Variants in DNAH11 observed in about 807,000 individuals in gnomAD.
DNAH11 encodes dynein axonemal heavy chain 11.
A neutral mutation model predicts 526.0 loss-of-function variants in DNAH11; 442 were observed. That is an observed-to-expected ratio of 0.84 (90% confidence interval 0.78 to 0.91). The LOEUF (loss-of-function observed/expected upper bound fraction) is 0.91. Ranked by LOEUF, DNAH11 falls within the 40% of genes least tolerant of loss-of-function variation. The pLI is 0.00. For synonymous variants in DNAH11, 2,461 were observed against 1,935.9 expected (o/e 1.27, Z -7.12); for missense variants, 6,989 against 5,448.7 (o/e 1.28, Z -8.90).
intron 44 of DNAH11, among the ~76,000 whole-genome samples, chr7:21,722,079 G>A (rs1332680612): frequency 6.6e-6 from 1 of 152,164 alleles, no homozygotes; most frequent in East Asian, 1.9e-4. Flanking sequence ...TTACCAAAGT[G>A]CAAAGTGGGA....
rs745855957 is a variant in DNAH11, at chr7:21,864,607, C to G, written c.11446C>G (p.His3816Asp). The change falls in exon 70 of 82, where the codon CAT becomes GAT. Residue 3816 changes from histidine (H) to aspartate (D), a missense_variant. His to Asp is a moderately conservative substitution (Grantham distance 81). Coordinates refer to ENST00000409508, the MANE Select transcript of DNAH11 (RefSeq NM_001277115.2). ...FLLRFTVEHT[H>D]LSPVDFLTSQ... ...GCTTCGATTCACAGTTGAACACACTCATCTGAGTCCCGTTGACTTCCTAAC... is the reference window on the plus strand; with the variant it reads ...GCTTCGATTCACAGTTGAACACACTGATCTGAGTCCCGTTGACTTCCTAAC... 3 of 1,609,968 alleles carry G rather than the reference C, an allele frequency of 1.9e-6. No individual in the cohort carries two copies. The highest frequency in any genetic ancestry group is 2.5e-6 in the Non-Finnish European group (3 of 1,178,002).
chr7:21,548,116 C>T lies in DNAH11; in HGVS notation c.495+2967C>T, dbSNP rs1038817525. 3.6e-4 allele frequency among the ~76,000 whole-genome samples: 47 copies of T among 129,832 alleles called. 3 individuals carry two copies. Among genetic ancestry groups the T allele is most frequent in the African/African-American group, 1.4e-3 (46 of 33,706 alleles). The allele number at this position is 129,832 out of a possible 152,430, so 85.2% of individuals were successfully genotyped here. The stretch of plus-strand genomic sequence containing the variant: ...CAACCCATTAATGGGTTATTAATTT[C>T]AGCATTTTTTGCTAGTTTGTTGGCT... On this transcript the variant is annotated intron_variant, in intron 2 of 81. Coordinates refer to ENST00000409508, the MANE Select transcript of DNAH11 (RefSeq NM_001277115.2).
rs370017658 is a variant in DNAH11, at chr7:21,675,334, C to G, written c.5329-6212C>G. On this transcript the variant is annotated intron_variant, in intron 30 of 81. Coordinates refer to ENST00000409508, the MANE Select transcript of DNAH11 (RefSeq NM_001277115.2). Reference sequence around the variant, plus strand: ...ACAGAGCCACCCGATCCATTCAGGGCCTTTACACAGGCTGCTTCCTGTGGC... The same window carrying G: ...ACAGAGCCACCCGATCCATTCAGGGGCTTTACACAGGCTGCTTCCTGTGGC... Among the ~76,000 whole-genome samples the G allele has an allele frequency of 2.1e-4, 32 of 152,306 alleles. No individual in the cohort carries two copies. In the East Asian group the frequency reaches 3.9e-3, roughly 18 times the overall value.
Position 21,786,537 on chromosome 7 carries a change from A to G in DNAH11, c.9598-87A>G. ...GTTTGATAAGGAGAAGTGGGAGTCC[A>G]CTAAAGCCTTGCTTGGCAACTTACA... On this transcript the variant is annotated intron_variant, in intron 58 of 81. Coordinates refer to ENST00000409508, the MANE Select transcript of DNAH11 (RefSeq NM_001277115.2). 2.7e-6 allele frequency: 4 copies of G among 1,481,902 alleles called. No individual in the cohort carries two copies. The South Asian group carries it at 5.9e-5, about 22-fold the overall frequency. 91.8% of individuals were successfully genotyped at this position (1,481,902 alleles called of 1,614,324 possible). A position where few individuals can be genotyped will look rare whatever the true frequency, so the allele number is the denominator to read the frequency against.
rs775523828 is a variant in DNAH11, at chr7:21,818,189, A to G, written c.10569-28A>G. ...AACATTTTGTGCCAATTTACATTTTATTATCTCAAATCCCACTGAATTTTA... is the reference window on the plus strand; with the variant it reads ...AACATTTTGTGCCAATTTACATTTTGTTATCTCAAATCCCACTGAATTTTA... On this transcript the variant is annotated intron_variant, in intron 64 of 81. Coordinates refer to ENST00000409508, the MANE Select transcript of DNAH11 (RefSeq NM_001277115.2). 6.3e-6 allele frequency: 10 copies of G among 1,593,620 alleles called. No homozygotes were observed. The East Asian group carries it at 1.8e-4, about 29-fold the overall frequency.
At position 21,869,130 on chromosome 7, in the gene DNAH11, C is replaced by T. The variant is rs1259824658; in HGVS notation, c.11967+139C>T. 6 of 1,248,520 alleles carry T rather than the reference C, an allele frequency of 4.8e-6. No homozygotes were observed. The African/African-American group carries it at 7.7e-5, about 16-fold the overall frequency. The allele number at this position is 1,248,520 out of a possible 1,614,324, so 77.3% of individuals were successfully genotyped here. A position where few individuals can be genotyped will look rare whatever the true frequency, so the allele number is the denominator to read the frequency against. ...GAGTGCAAGCAGTACTGTCAGTGTT[C>T]ATGATGCCTGCAAAGATGGTGAGGG... On this transcript the variant is annotated intron_variant, in intron 73 of 81. Coordinates refer to ENST00000409508, the MANE Select transcript of DNAH11 (RefSeq NM_001277115.2).
At chr7:21,751,513 G>A (rs1183941982) in intron 54 of DNAH11, among the ~76,000 whole-genome samples, 1 of 152,180 alleles carries the variant, frequency 6.6e-6, no homozygotes, top group African/African-American at 2.4e-5. Context: ...TAAGAATGCT[G>A]CTAGGGAAAA....
intron 79 of DNAH11, among the ~76,000 whole-genome samples, chr7:21,897,357 A>AT (rs1017667344): frequency 1.4e-5 from 2 of 146,044 alleles, no homozygotes; most frequent in Admixed American, 6.7e-5. Context: ...ATTAAAATAT[A>AT]ATAACACCCT....
At chr7:21,843,375 A>G (rs1583762548) in intron 66 of DNAH11, among the ~76,000 whole-genome samples, 1 of 152,268 alleles carries the variant, frequency 6.6e-6, no homozygotes, top group East Asian at 1.9e-4. Flanking sequence ...ATACTTCCAT[A>G]AGGACTAGTG....
intron 63 of DNAH11, among the ~76,000 whole-genome samples, chr7:21,815,995 C>A (rs1401592707): frequency 6.6e-6 from 1 of 152,080 alleles, no homozygotes; most frequent in African/African-American, 2.4e-5. Context: ...GAACTGAATA[C>A]TTTCCATTAA....
In DNAH11 at chr7:21,807,812, A is replaced by G. The variant is rs1789335957; in HGVS notation, c.10166-71A>G. ...AGGACGTAAACCTTGCCATAAGGTA[A>G]TTGCATTAAGCATTTGTGGAGTTGA... On this transcript the variant is annotated intron_variant, in intron 62 of 81. Transcript: ENST00000409508. 2.7e-6 allele frequency: 4 copies of G among 1,470,032 alleles called. No individual in the cohort carries two copies. The African/African-American group carries it at 4.1e-5, about 15-fold the overall frequency. The allele number at this position is 1,470,032 out of a possible 1,614,324, so 91.1% of individuals were successfully genotyped here. A position where few individuals can be genotyped will look rare whatever the true frequency, so the allele number is the denominator to read the frequency against.
At position 21,638,980 on chromosome 7, in the gene DNAH11, C is replaced by CG. The variant is rs779002040; in HGVS notation, c.4859_4860insG (p.Lys1621GlnfsTer15). ...AAAGCTCTCGCTGAATACCTGGAAA[C>CG]CAAGCGCATAGCCTTTCCTCGCTTC... is the stretch of plus-strand genomic sequence containing the variant. On this transcript the variant is annotated frameshift_variant, in exon 28 of 82. Coordinates refer to ENST00000409508, the MANE Select transcript of DNAH11 (RefSeq NM_001277115.2). LOFTEE classifies it high-confidence loss of function. The CG allele has an allele frequency of 3.7e-6, 6 of 1,613,172 alleles. No individual in the cohort carries two copies. Among genetic ancestry groups the CG allele is most frequent in the Non-Finnish European group, 5.1e-6 (6 of 1,179,620 alleles).
At chr7:21,794,900 A>G (rs1788644408) in intron 61 of DNAH11, among the ~76,000 whole-genome samples, 1 of 152,056 alleles carries the variant, frequency 6.6e-6, no homozygotes, top group Admixed American at 6.5e-5. Flanking sequence ...TCTGGGGGGC[A>G]TTTTCTACGT....
At chr7:21,598,734 C>T (rs1002007757) in intron 14 of DNAH11, among the ~76,000 whole-genome samples, 2 of 152,184 alleles carry the variant, frequency 1.3e-5, no homozygotes, top group South Asian at 2.1e-4. Context: ...CCTCTCCCTC[C>T]TTCCAATCCT....
intron 6 of DNAH11, among the ~76,000 whole-genome samples, chr7:21,567,391 G>A (rs1783712644): frequency 6.6e-6 from 1 of 152,156 alleles, no homozygotes; most frequent in Admixed American, 6.5e-5. Flanking sequence ...ACATATTAGA[G>A]GTCATAAGCT....
chr7:21,778,764 A>G (rs1787795637), intron 56 of DNAH11, among the ~76,000 whole-genome samples, 194 bp from the exon 57 acceptor site: 3 of 152,210 alleles, frequency 2.0e-5, no homozygotes, highest in Admixed American at 1.3e-4. Flanking sequence ...GGAAAATATT[A>G]TTCTGTTTGT....
intron 8 of DNAH11, among the ~76,000 whole-genome samples, chr7:21,576,380 C>G (rs1020768973): frequency 6.6e-6 from 1 of 152,132 alleles, no homozygotes; most frequent in Non-Finnish European, 1.5e-5. Context: ...GTTTAAGGGA[C>G]TGTTCTTGGG....
chr7:21,868,057 T>G, intron 72 of DNAH11, 50 bp downstream of exon 72: 1 of 1,403,454 alleles, frequency 7.1e-7, no homozygotes, highest in Non-Finnish European at 9.4e-7. Context: ...TCCCTCCCTT[T>G]CACCCCCACC....
At chr7:21,648,491 G>T (rs1302621427) in intron 28 of DNAH11, among the ~76,000 whole-genome samples, 1 of 152,126 alleles carries the variant, frequency 6.6e-6, no homozygotes, top group East Asian at 1.9e-4. Flanking sequence ...ACCCTAGCCT[G>T]CTGGATAATG....
Sources: allele counts gnomAD v4.1 joint callset (sites outside exome capture counted in the v4.1 genomes callset), GRCh38; gene constraint gnomAD v4.1.1; transcripts MANE v1.5; gene names NCBI Gene and HGNC (gene_info 2026-07-23, HGNC 2026-07-21).